The following BRD10 variants were observed in gnomAD, a reference collection of about 807,000 sequenced individuals.
BRD10 encodes the protein uncharacterized bromodomain-containing protein 10.
the BRD10 span, among the ~76,000 whole-genome samples, chr9:5,947,857 A>T: frequency 1.1e-4 from 17 of 151,828 alleles, no homozygotes; most frequent in Admixed American, 4.6e-4. Flanking sequence ...ATTTTTTTTT[A>T]AAAAAGCAAA....
At chr9:5,954,782 C>T in the BRD10 span, among the ~76,000 whole-genome samples, 63 of 152,216 alleles carry the variant, frequency 4.1e-4, no homozygotes, top group African/African-American at 1.5e-3. Context: ...CAAAAAAATA[C>T]ATACATGCAT....
At chr9:5,946,878 G>A in the BRD10 span, among the ~76,000 whole-genome samples, 1 of 151,996 alleles carries the variant, frequency 6.6e-6, no homozygotes, top group Non-Finnish European at 1.5e-5. Flanking sequence ...AACATTTTGA[G>A]ATCTTTTAAT....
the BRD10 span, among the ~76,000 whole-genome samples, chr9:5,982,839 T>C: frequency 2.0e-5 from 3 of 152,098 alleles, no homozygotes; most frequent in Non-Finnish European, 4.4e-5. Flanking sequence ...GGGATAGAGA[T>C]TGGCATCTGG....
At chr9:5,953,952 G>C in the BRD10 span, 1 of 881,502 alleles carries the variant, frequency 1.1e-6, no homozygotes, top group South Asian at 1.5e-5. Flanking sequence ...CCAAACTCTC[G>C]AGGAATGATA....
At chr9:5,934,955 T>C in the BRD10 span, among the ~76,000 whole-genome samples, 1 of 152,216 alleles carries the variant, frequency 6.6e-6, no homozygotes, top group African/African-American at 2.4e-5. Context: ...CAATAAGTAT[T>C]CACCTATTTT....
At chr9:5,904,852 C>A in the BRD10 span, among the ~76,000 whole-genome samples, 1 of 151,664 alleles carries the variant, frequency 6.6e-6, no homozygotes, top group South Asian at 2.1e-4. Context: ...GGGCTCACTG[C>A]AAGCTCTGCC....
At chr9:5,989,272 TAGTC>T in the BRD10 span, among the ~76,000 whole-genome samples, 11 of 128,772 alleles carry the variant, frequency 8.5e-5, no homozygotes, top group Admixed American at 1.6e-4. Context: ...ATCCAAAAAT[TAGTC>T]AGGCATGGTG....
the BRD10 span, chr9:5,923,276 A>G: frequency 6.2e-7 from 1 of 1,610,230 alleles, no homozygotes; most frequent in Non-Finnish European, 8.5e-7. Flanking sequence ...GCTTCTAGCC[A>G]TAGGAAAATC....
At chr9:6,004,956 C>T in the BRD10 span, among the ~76,000 whole-genome samples, 1 of 152,112 alleles carries the variant, frequency 6.6e-6, no homozygotes, top group African/African-American at 2.4e-5. Flanking sequence ...CGAGGGACTC[C>T]AACTTTAATT....
the BRD10 span, among the ~76,000 whole-genome samples, chr9:5,964,071 A>G: frequency 5.3e-5 from 8 of 152,128 alleles, no homozygotes; most frequent in Non-Finnish European, 1.0e-4. Flanking sequence ...TAATTCAACT[A>G]AAGAGCTTCT....
At chr9:5,880,510 T>C in the BRD10 span, among the ~76,000 whole-genome samples, 1 of 151,682 alleles carries the variant, frequency 6.6e-6, no homozygotes, top group Non-Finnish European at 1.5e-5. Flanking sequence ...TGAGACTCTG[T>C]CTCAAACAAA....
the BRD10 span, among the ~76,000 whole-genome samples, chr9:5,940,263 G>C: frequency 1.3e-5 from 2 of 152,206 alleles, no homozygotes; most frequent in Non-Finnish European, 2.9e-5. Flanking sequence ...GTGCGATCTT[G>C]GCTCACTGCA....
the BRD10 span, among the ~76,000 whole-genome samples, chr9:5,933,380 T>C: frequency 6.6e-6 from 1 of 152,230 alleles, no homozygotes; most frequent in Non-Finnish European, 1.5e-5. Context: ...AACAAAAGTA[T>C]GAATTTCAAG....
chr9:5,953,964 G>C, the BRD10 span: 31 of 1,020,614 alleles, frequency 3.0e-5, no homozygotes, highest in South Asian at 4.2e-4. Flanking sequence ...GGAATGATAT[G>C]AACACTGAAA....
At chr9:5,968,769 GTC>G in the BRD10 span, 2 of 1,613,896 alleles carry the variant, frequency 1.2e-6, no homozygotes, top group Non-Finnish European at 1.7e-6. Flanking sequence ...GCCTGAAAGG[GTC>G]TCTGTTTATA....
chr9:5,954,084 C>T, the BRD10 span: 9 of 1,544,320 alleles, frequency 5.8e-6, 1 homozygote, highest in African/African-American at 2.7e-5. Context: ...TTTTTAGAGA[C>T]GGATTTTTTT....
At chr9:6,003,724 A>G in the BRD10 span, among the ~76,000 whole-genome samples, 2 of 152,162 alleles carry the variant, frequency 1.3e-5, no homozygotes, top group East Asian at 3.8e-4. Flanking sequence ...GAAAGAGCAG[A>G]CCTGAATTTT....
chr9:5,890,563 G>A, the BRD10 span, among the ~76,000 whole-genome samples: 1 of 152,122 alleles, frequency 6.6e-6, no homozygotes, highest in African/African-American at 2.4e-5. Context: ...CATCAATTAG[G>A]TTGGTGCAAA....
chr9:5,991,188 A>G, the BRD10 span, among the ~76,000 whole-genome samples: 85,146 of 148,182 alleles, frequency 0.57, 25,482 homozygotes, highest in Non-Finnish European at 0.7. Context: ...GTGTATATAT[A>G]TATATATATA....
Sources: gnomAD v4.1 joint callset for allele counts (sites outside exome capture counted in the v4.1 genomes callset) on GRCh38, gnomAD v4.1.1 for gene constraint, MANE v1.5 for transcripts, NCBI Gene and HGNC (gene_info 2026-07-23, HGNC 2026-07-21) for gene names.